Variants in VARS2 observed in about 807,000 individuals in gnomAD.
VARS2 encodes the protein valyl-tRNA synthetase 2, mitochondrial.
In VARS2, 105 loss-of-function variants were observed where a neutral mutation model predicts 154.1. The ratio of observed to expected loss-of-function variants is 0.68; its 90% CI spans 0.58 to 0.80. The LOEUF (loss-of-function observed/expected upper bound fraction) is 0.80, where lower values mean the gene tolerates loss of function less well. VARS2 is among the 30% of genes least tolerant of loss of function. The pLI is 0.00. For missense variants in VARS2, 1,157 were observed against 1,361.4 expected (o/e 0.85, Z 2.36); for synonymous variants, 483 against 539.5 (o/e 0.90, Z 1.45).
rs1430415098 is a variant in VARS2 at position 30,914,238 on chromosome 6, G to A, written c.-134G>A. 4.4e-6 allele frequency: 3 copies of A among 675,910 alleles called. No individual in the cohort carries two copies. Among genetic ancestry groups the A allele is most frequent in the Non-Finnish European group, 6.3e-6 (3 of 479,448 alleles). The allele number at this position is 675,910 out of a possible 1,614,324, so 41.9% of individuals were successfully genotyped here. ...CTGCGCATGCGCCGGCCGGGGCCCC[G>A]CCCCCATGCGCCGCGCGGCTCCAGG... On this transcript the variant is annotated 5_prime_UTR_variant, in exon 1 of 30. Coordinates refer to ENST00000676266, the MANE Select transcript of VARS2 (RefSeq NM_020442.6).
rs769063835 is a variant in VARS2, at chr6:30,923,413, G to A, written c.2374G>A (p.Glu792Lys). ...GAGCCGCCTTGCCCTGGCTGCCCAG[G>A]AGTGTGAGCGGGGCTTCCTCACCCG... ...ILSRLALAAQ[E>K]CERGFLTREL... Residue 792 changes from glutamate (E) to lysine (K), a missense_variant, in exon 25 of 30, where the codon GAG becomes AAG. By Grantham distance (56) the Glu-to-Lys change is moderately conservative. Transcript: ENST00000676266. The A allele has an allele frequency of 6.2e-7, 1 of 1,612,160 alleles. No homozygotes were observed. The highest frequency in any genetic ancestry group is 8.5e-7 in the Non-Finnish European group (1 of 1,180,016).
At chr6:30,923,741 A>C in intron 25 of VARS2, 1 of 576,884 alleles carries the variant, frequency 1.7e-6, no homozygotes. Flanking sequence ...ACTTCTAGAA[A>C]TGTCTGACAA....
chr6:30,925,755 T>C, intron 28 of VARS2, 36 bp downstream of exon 28: 2 of 1,610,590 alleles, frequency 1.2e-6, no homozygotes, highest in Non-Finnish European at 1.7e-6. Context: ...AGGGCAGGCT[T>C]GGGAAGCATG....
rs1464466915 is a variant in VARS2, at chr6:30,926,152, C to T, written c.3134C>T (p.Ala1045Val). Residue 1045 changes from alanine to valine, a missense_variant, in exon 30 of 30, where the codon GCC (alanine) becomes GTC (valine). By Grantham distance (64) the Ala-to-Val change is moderately conservative. Transcript: ENST00000676266. ...GAATTGTCAAAACTGGACAAGGCAG[C>T]CTCTCACCTCCGGCAGCTGATGGAT... ...QLELSKLDKA[A>V]SHLRQLMDEP... The T allele has an allele frequency of 6.2e-7, 1 of 1,613,130 alleles. No individual in the cohort carries two copies.
chr6:30,922,112 CT>C lies in VARS2; in HGVS notation c.1807-3del, dbSNP rs746853232. 54 of 1,612,520 alleles carry C rather than the reference CT, an allele frequency of 3.3e-5. No homozygotes were observed. Among genetic ancestry groups the C allele is most frequent in the Non-Finnish European group, 4.3e-5 (51 of 1,179,820 alleles). ...GGGCCTCTTACTGCTCCTCTTCCCC[CT>C]AGACCCCAGACCTTGCTCGTTTCTA... On this transcript the variant is annotated splice_region_variant and splice_polypyrimidine_tract_variant and intron_variant, in intron 19 of 29. Transcript: ENST00000676266.
intron 4 of VARS2, 125 bp from the exon 5 acceptor site, chr6:30,915,621 C>T (rs1582171417): frequency 2.0e-6 from 3 of 1,516,704 alleles, no homozygotes; most frequent in East Asian, 2.3e-5. Flanking sequence ...ATTCCCTCCT[C>T]TCCACTCTCC....
At position 30,915,391 on chromosome 6, in the gene VARS2, G is replaced by A. The variant is rs777030474; in HGVS notation, c.320G>A (p.Arg107Gln). The change falls in exon 4 of 30, where the codon CGA becomes CAA. Residue 107 changes from arginine (R) to glutamine (Q), a missense_variant. Coordinates refer to ENST00000676266, the MANE Select transcript of VARS2 (RefSeq NM_020442.6). ...CCCCTGCCTCCTGCATACAGCCCCC[G>A]ATATGTTGAGGCTGCCTGGTACCCG... ...SGPLPPAYSPRYVEAAWYPWW... is the reference protein window; with the variant it reads ...SGPLPPAYSPQYVEAAWYPWW... 1 of 1,614,166 alleles carries A rather than the reference G, an allele frequency of 6.2e-7. No individual in the cohort carries two copies. The highest frequency in any genetic ancestry group is 1.3e-5 in the African/African-American group (1 of 75,022).
In VARS2 at chr6:30,916,483, TA is replaced by T; in HGVS notation, c.671+235del. The T allele has an allele frequency of 1.3e-5, 4 of 311,222 alleles. No individual in the cohort carries two copies. The highest frequency in any genetic ancestry group is 1.1e-5 in the Non-Finnish European group (2 of 177,320). The allele number at this position is 311,222 out of a possible 1,614,324, so 19.3% of individuals were successfully genotyped here. Reference sequence around the variant, plus strand: ...GTGTGTGTGTGTGTGTGTGTATTTATATATATATATATATTTTCTTTCTCTT... The same window carrying T: ...GTGTGTGTGTGTGTGTGTGTATTTATTATATATATATATTTTCTTTCTCTT... On this transcript the variant is annotated intron_variant, in intron 7 of 29. Coordinates refer to ENST00000676266, the MANE Select transcript of VARS2 (RefSeq NM_020442.6). This position sits in a 1 kb window ranked among gnomAD's most constrained non-coding sequence, Gnocchi z 4.0.
In VARS2 at chr6:30,926,001, A is replaced by C. The variant is rs1274344346; in HGVS notation, c.3083A>C (p.Gln1028Pro). The C allele has an allele frequency of 1.2e-6, 2 of 1,612,994 alleles. No individual in the cohort carries two copies. The highest frequency in any genetic ancestry group is 1.7e-5 in the Admixed American group (1 of 60,012). Residue 1028 changes from glutamine (Q) to proline (P), a missense_variant, in exon 29 of 30, where the codon CAA (glutamine) becomes CCA (proline). Physicochemically the swap from Gln to Pro is moderately conservative, Grantham distance 76. Coordinates refer to ENST00000676266, the MANE Select transcript of VARS2 (RefSeq NM_020442.6). ...GAAGGGGAGGCAGGGACTCAGAGGC[A>C]ACAAAAGGTAAGGCTGAGGGAGGCC... Reference protein sequence around the residue: ...PSEGEAGTQRQQKLSSLQLEL... With the variant: ...PSEGEAGTQRPQKLSSLQLEL...
At chr6:30,925,411 G>A (rs769688677) in intron 27 of VARS2, 26 bp downstream of exon 27, 405 of 1,592,790 alleles carry the variant, frequency 2.5e-4, no homozygotes, top group Middle Eastern at 1.0e-3. Context: ...TCCTGGGCTC[G>A]GATCCCTGCA....
chr6:30,916,345 C>T lies in VARS2; in HGVS notation c.671+96C>T, dbSNP rs1442988632. The stretch of plus-strand genomic sequence containing the variant: ...TCCTGACTTGTAATCCTTGGCTCTT[C>T]CCGACACAGCTCTGACTTCCTCAGA... On this transcript the variant is annotated intron_variant, in intron 7 of 29. Coordinates refer to ENST00000676266, the MANE Select transcript of VARS2 (RefSeq NM_020442.6). The surrounding 1 kb of genome is among the most constrained non-coding windows in gnomAD (Gnocchi z 4.0). 2.9e-6 allele frequency: 3 copies of T among 1,052,452 alleles called. No individual in the cohort carries two copies. Among genetic ancestry groups the T allele is most frequent in the Admixed American group, 2.8e-5 (1 of 35,296 alleles). The allele number at this position is 1,052,452 out of a possible 1,614,324, so 65.2% of individuals were successfully genotyped here.
In VARS2 at chr6:30,920,121, G is replaced by A. The variant is rs1302781871; in HGVS notation, c.1198G>A (p.Ala400Thr). The change falls in exon 13 of 30, where the codon GCC (alanine) becomes ACC (threonine). Residue 400 changes from alanine (A) to threonine (T), a missense_variant. Ala to Thr is a moderately conservative substitution (Grantham distance 58). Coordinates refer to ENST00000676266, the MANE Select transcript of VARS2 (RefSeq NM_020442.6). This position sits in a 1 kb window ranked among gnomAD's most constrained non-coding sequence, Gnocchi z 4.6. Reference sequence around the variant, plus strand: ...GAAGGTGACTCCAGCTCACAGTCCTGCCGATGCTGAGATGGGGGCCCGACA... The same window carrying A: ...GAAGGTGACTCCAGCTCACAGTCCTACCGATGCTGAGATGGGGGCCCGACA... ...AVKVTPAHSP[A>T]DAEMGARHGL... The A allele has an allele frequency of 6.3e-7, 1 of 1,579,572 alleles. No individual in the cohort carries two copies. Among genetic ancestry groups the A allele is most frequent in the East Asian group, 2.2e-5 (1 of 44,588 alleles).
Position 30,920,977 on chromosome 6 carries a change from A to T in VARS2, c.1480-88A>T. Reference sequence around the variant, plus strand: ...GCTTGGGAGGTCCTTTCTGAGTTTTAAAATGACCTCAGAGGCCACTCGTCC... The same window carrying T: ...GCTTGGGAGGTCCTTTCTGAGTTTTTAAATGACCTCAGAGGCCACTCGTCC... On this transcript the variant is annotated intron_variant, in intron 15 of 29. Coordinates refer to ENST00000676266, the MANE Select transcript of VARS2 (RefSeq NM_020442.6). The surrounding 1 kb of genome is among the most constrained non-coding windows in gnomAD (Gnocchi z 4.6). 1 of 1,386,656 alleles carries T rather than the reference A, an allele frequency of 7.2e-7. No homozygotes were observed. Among genetic ancestry groups the T allele is most frequent in the Non-Finnish European group, 9.7e-7 (1 of 1,027,742 alleles). 85.9% of individuals were successfully genotyped at this position (1,386,656 alleles called of 1,614,324 possible).
rs767732680 is a variant in VARS2 at position 30,925,706 on chromosome 6, A to C, written c.2948A>C (p.Tyr983Ser). 5.0e-6 allele frequency: 8 copies of C among 1,611,142 alleles called. No individual in the cohort carries two copies. In the Admixed American group the frequency reaches 1.2e-4, roughly 24 times the overall value. Reference protein sequence around the residue: ...QAPLSDTAQVYMELQGLVDPQ... With the variant: ...QAPLSDTAQVSMELQGLVDPQ... ...CCACTCAGTGACACGGCTCAAGTCT[A>C]CATGGAGCTGCAGGTGACCAGAGGG... The change falls in exon 28 of 30, where the codon TAC becomes TCC. Residue 983 changes from tyrosine (Y) to serine (S), a missense_variant. Coordinates refer to ENST00000676266, the MANE Select transcript of VARS2 (RefSeq NM_020442.6).
chr6:30,919,500 A>G lies in VARS2; in HGVS notation c.1075-258A>G, dbSNP rs1794373353. 3 of 355,872 alleles carry G rather than the reference A, an allele frequency of 8.4e-6. No individual in the cohort carries two copies. Among genetic ancestry groups the G allele is most frequent in the Non-Finnish European group, 1.5e-5 (3 of 198,664 alleles). The allele number at this position is 355,872 out of a possible 1,614,324, so 22.0% of individuals were successfully genotyped here. On this transcript the variant is annotated intron_variant, in intron 11 of 29. Coordinates refer to ENST00000676266, the MANE Select transcript of VARS2 (RefSeq NM_020442.6). This position sits in a 1 kb window ranked among gnomAD's most constrained non-coding sequence, Gnocchi z 4.5. ...GCGCCTGGCTGCTTGCAGCCTTTAT[A>G]TTATCTATGGCTGCTATTATATACC...
Position 30,925,877 on chromosome 6 carries a change from C to T in VARS2, c.2962-3C>T. ...TGAGCCTTTTCTCCCTGTTCTTCCC[C>T]AGGGCCTGGTGGACCCGCAGATCCA... On this transcript the variant is annotated splice_polypyrimidine_tract_variant and splice_region_variant and intron_variant, in intron 28 of 29. Transcript: ENST00000676266. 6.2e-7 allele frequency: 1 copy of T among 1,612,650 alleles called. No homozygotes were observed. The highest frequency in any genetic ancestry group is 8.5e-7 in the Non-Finnish European group (1 of 1,180,012).
Position 30,916,471 on chromosome 6 carries a change from TGTGTG to T in VARS2, c.671+223_671+227del, listed in dbSNP as rs1794180079. 5.4e-6 allele frequency: 2 copies of T among 373,086 alleles called. No homozygotes were observed. The highest frequency in any genetic ancestry group is 4.5e-5 in the African/African-American group (2 of 44,408). 23.1% of individuals were successfully genotyped at this position (373,086 alleles called of 1,614,324 possible). A position where few individuals can be genotyped will look rare whatever the true frequency, so the allele number is the denominator to read the frequency against. On this transcript the variant is annotated intron_variant, in intron 7 of 29. Coordinates refer to ENST00000676266, the MANE Select transcript of VARS2 (RefSeq NM_020442.6). The surrounding 1 kb of genome is among the most constrained non-coding windows in gnomAD (Gnocchi z 4.0). Reference sequence around the variant, plus strand: ...GAATATTCGTGTGTGTGTGTGTGTGTGTGTGTATTTATATATATATATATATTTTC... The same window carrying T: ...GAATATTCGTGTGTGTGTGTGTGTGTTATTTATATATATATATATATTTTC...
chr6:30,926,331 A>C lies in VARS2; in HGVS notation c.*121A>C. 1 of 1,008,860 alleles carries C rather than the reference A, an allele frequency of 9.9e-7. No individual in the cohort carries two copies. The highest frequency in any genetic ancestry group is 1.5e-6 in the Non-Finnish European group (1 of 671,184). The allele number at this position is 1,008,860 out of a possible 1,614,324, so 62.5% of individuals were successfully genotyped here. On this transcript the variant is annotated 3_prime_UTR_variant, in exon 30 of 30. Coordinates refer to ENST00000676266, the MANE Select transcript of VARS2 (RefSeq NM_020442.6). ...TGTGGTCCATCGCCTTCATTGTGTA[A>C]ATGAGGACACAGACTGGCTTGGTCG...
rs992265623 is a variant in VARS2, at chr6:30,921,373, C to T, written c.1632+68C>T. ...GCACCTAGCCCAGGAGTCAGAGCTCCGCAGGGCCAAGTCCCGCTCCTGCCT... is the reference window on the plus strand; with the variant it reads ...GCACCTAGCCCAGGAGTCAGAGCTCTGCAGGGCCAAGTCCCGCTCCTGCCT... On this transcript the variant is annotated intron_variant, in intron 17 of 29. Transcript: ENST00000676266. The surrounding 1 kb of genome is among the most constrained non-coding windows in gnomAD (Gnocchi z 4.6). The T allele has an allele frequency of 8.8e-6, 14 of 1,590,356 alleles. No homozygotes were observed. Among genetic ancestry groups the T allele is most frequent in the African/African-American group, 6.7e-5 (5 of 74,440 alleles).
Sources: gnomAD v4.1 joint callset for allele counts on GRCh38, gnomAD v4.1.1 for gene constraint, Gnocchi (gnomAD v3.1) non-coding constraint, MANE v1.5 for transcripts, NCBI Gene and HGNC (gene_info 2026-07-23, HGNC 2026-07-21) for gene names.